Variants in ARHGAP15 observed in about 807,000 individuals in gnomAD.
The protein encoded by ARHGAP15 is Rho GTPase activating protein 15.
In ARHGAP15, 51 loss-of-function variants were observed where a neutral mutation model predicts 63.7. The ratio of observed to expected loss-of-function variants is 0.80; its 90% CI spans 0.64 to 1.01. ARHGAP15 has a LOEUF of 1.01. Ranked by LOEUF, ARHGAP15 falls within the 50% of genes least tolerant of loss-of-function variation. The pLI is 0.00. For missense variants in ARHGAP15, 560 were observed against 564.6 expected (o/e 0.99, Z 0.08); for synonymous variants, 191 against 193.8 (o/e 0.99, Z 0.12).
At chr2:143,491,535 T>A (rs1692580240) in intron 9 of ARHGAP15, among the ~76,000 whole-genome samples, 1 of 152,226 alleles carries the variant, frequency 6.6e-6, no homozygotes, top group African/African-American at 2.4e-5. Flanking sequence ...GAAATTAGTA[T>A]CATATTACTT....
chr2:143,404,185 C>A (rs996947394), intron 6 of ARHGAP15, among the ~76,000 whole-genome samples: 1 of 151,680 alleles, frequency 6.6e-6, no homozygotes, highest in African/African-American at 2.4e-5. Context: ...TGATTCTGAA[C>A]CTTGAAGGAC....
At chr2:143,556,513 T>C (rs1283966876) in intron 11 of ARHGAP15, 28 bp downstream of exon 11, 2 of 1,534,372 alleles carry the variant, frequency 1.3e-6, no homozygotes, top group South Asian at 2.2e-5. Context: ...CAGAGATTTT[T>C]TCAAACAGTT....
intron 2 of ARHGAP15, among the ~76,000 whole-genome samples, chr2:143,168,667 C>T (rs1690645458): frequency 1.3e-5 from 2 of 150,222 alleles, no homozygotes; most frequent in South Asian, 2.1e-4. Context: ...TGAAGAGACG[C>T]TACTTTGTAT....
chr2:143,390,752 C>T (rs1310718319), intron 6 of ARHGAP15, among the ~76,000 whole-genome samples: 1 of 151,824 alleles, frequency 6.6e-6, no homozygotes, highest in Non-Finnish European at 1.5e-5. Context: ...CACACACACA[C>T]ACACACACAC....
At position 143,519,352 on chromosome 2, in the gene ARHGAP15, G is replaced by A. The variant is rs372326091; in HGVS notation, c.913G>A (p.Val305Ile). Residue 305 changes from valine (V) to isoleucine (I), a missense_variant, in exon 10 of 14, where the codon GTT becomes ATT. Physicochemically the swap from Val to Ile is conservative, Grantham distance 29. Transcript: ENST00000295095. Reference protein sequence around the residue: ...PWFVKQCIEAVEKRGLDVDGI... With the variant: ...PWFVKQCIEAIEKRGLDVDGI... ...GTTTGTAAAGCAATGCATTGAAGCT[G>A]TTGAGAAAAGAGGTGGGTGACTGAA... 3.1e-6 allele frequency: 5 copies of A among 1,612,288 alleles called. No individual in the cohort carries two copies. Among genetic ancestry groups the A allele is most frequent in the African/African-American group, 2.7e-5 (2 of 74,854 alleles).
At chr2:143,232,581 G>A (rs373597836) in intron 5 of ARHGAP15, among the ~76,000 whole-genome samples, 64 of 152,172 alleles carry the variant, frequency 4.2e-4, no homozygotes, top group South Asian at 1.9e-3. Flanking sequence ...ATTTTTAATA[G>A]GTATCAATCA....
At chr2:143,474,631 A>G (rs1218557348) in intron 8 of ARHGAP15, among the ~76,000 whole-genome samples, 1 of 152,228 alleles carries the variant, frequency 6.6e-6, no homozygotes, top group African/African-American at 2.4e-5. Context: ...AATGGTGATT[A>G]AGAAATTTGG....
chr2:143,148,544 A>G (rs1574010712), intron 1 of ARHGAP15, among the ~76,000 whole-genome samples: 1 of 152,020 alleles, frequency 6.6e-6, no homozygotes, highest in African/African-American at 2.4e-5. Context: ...TAAGATGGCC[A>G]TGTGCAGTGA....
At chr2:143,617,885 A>G (rs1225764769) in intron 11 of ARHGAP15, among the ~76,000 whole-genome samples, 1 of 152,228 alleles carries the variant, frequency 6.6e-6, no homozygotes, top group Non-Finnish European at 1.5e-5. Context: ...CAACAGCTGT[A>G]GCTTTAAAAA....
chr2:143,432,195 C>T (rs1689418856), intron 6 of ARHGAP15, among the ~76,000 whole-genome samples: 1 of 151,700 alleles, frequency 6.6e-6, no homozygotes, highest in African/African-American at 2.4e-5. Flanking sequence ...AAAAGAAGTT[C>T]TAAAAAAGGT....
chr2:143,175,993 T>TA (rs1260768719), intron 2 of ARHGAP15, among the ~76,000 whole-genome samples: 1 of 152,134 alleles, frequency 6.6e-6, no homozygotes, highest in African/African-American at 2.4e-5. Flanking sequence ...GAAAATAAAA[T>TA]ACGTATGTCT....
intron 6 of ARHGAP15, among the ~76,000 whole-genome samples, chr2:143,406,305 A>T (rs186675459): frequency 8.1e-4 from 123 of 151,976 alleles, no homozygotes; most frequent in African/African-American, 2.9e-3. Flanking sequence ...TCTTTAGAAG[A>T]GTGTTTGTTT....
chr2:143,485,653 AT>A (rs886227087), intron 8 of ARHGAP15, among the ~76,000 whole-genome samples: 9 of 150,900 alleles, frequency 6.0e-5, no homozygotes, highest in East Asian at 3.9e-4. Context: ...GTCTGGAGGC[AT>A]TTTTTTTTAT....
At chr2:143,632,647 A>G (rs1360432604) in intron 12 of ARHGAP15, among the ~76,000 whole-genome samples, 1 of 152,180 alleles carries the variant, frequency 6.6e-6, no homozygotes, top group Non-Finnish European at 1.5e-5. Context: ...CTGTCTATAC[A>G]TCAGTCACAT....
chr2:143,321,092 C>A (rs1683998320), intron 6 of ARHGAP15, among the ~76,000 whole-genome samples: 1 of 152,090 alleles, frequency 6.6e-6, no homozygotes, highest in African/African-American at 2.4e-5. Context: ...GCTCTCAGGG[C>A]CCACTACCAT....
intron 6 of ARHGAP15, among the ~76,000 whole-genome samples, chr2:143,415,528 A>G (rs1688637421): frequency 6.6e-6 from 1 of 152,232 alleles, no homozygotes; most frequent in Non-Finnish European, 1.5e-5. Context: ...TAACTTTACT[A>G]AGAGTCAGGG....
intron 2 of ARHGAP15, among the ~76,000 whole-genome samples, chr2:143,180,359 A>G (rs965680221): frequency 6.6e-6 from 1 of 152,164 alleles, no homozygotes; most frequent in Non-Finnish European, 1.5e-5. Flanking sequence ...AAATTTTATC[A>G]TGAGATTGCA....
chr2:143,450,185 A>G (rs902506609), intron 8 of ARHGAP15, among the ~76,000 whole-genome samples: 6 of 144,782 alleles, frequency 4.1e-5, no homozygotes, highest in African/African-American at 1.5e-4. Context: ...GGGCATAACC[A>G]TAATTGATTT....
At chr2:143,356,400 G>A (rs979706703) in intron 6 of ARHGAP15, among the ~76,000 whole-genome samples, 2 of 151,734 alleles carry the variant, frequency 1.3e-5, no homozygotes, top group Non-Finnish European at 1.5e-5. Flanking sequence ...CAACATGAAG[G>A]CACCACCCCC....
Sources: allele counts gnomAD v4.1 joint callset (sites outside exome capture counted in the v4.1 genomes callset), GRCh38; gene constraint gnomAD v4.1.1; transcripts MANE v1.5; gene names NCBI Gene and HGNC (gene_info 2026-07-23, HGNC 2026-07-21).